Variants in TXLNB observed in about 807,000 individuals in gnomAD.
TXLNB encodes beta-taxilin.
In TXLNB, 37 loss-of-function variants were observed where a neutral mutation model predicts 57.4. The ratio of observed to expected loss-of-function variants is 0.64; its 90% confidence interval spans 0.50 to 0.85. TXLNB has a LOEUF of 0.85. TXLNB is among the 40% of genes least tolerant of loss of function. TXLNB has a pLI of 0.00. For missense variants in TXLNB, 848 were observed against 825.6 expected, an observed-to-expected ratio of 1.03 and a Z score of -0.33; for synonymous variants, 302 against 309.6, an observed-to-expected ratio of 0.98 and a Z score of 0.26.
chr6:139,283,492 A>C (rs1487481927), intron 2 of TXLNB, among the ~76,000 whole-genome samples: 1 of 141,408 alleles, frequency 7.1e-6, no homozygotes, highest in African/African-American at 2.6e-5. Context: ...AGGAGAATCG[A>C]TTGAACCCGG....
intron 9 of TXLNB, 93 bp downstream of exon 9, chr6:139,244,502 C>A: frequency 2.3e-6 from 2 of 875,070 alleles, no homozygotes; most frequent in Non-Finnish European, 1.9e-6. Flanking sequence ...TCACACATAA[C>A]CATTTGTACT....
chr6:139,174,594 A>C, the TXLNB span: 17 of 1,583,426 alleles, frequency 1.1e-5, no homozygotes, highest in East Asian at 1.8e-4. Context: ...TCTGTCCCCA[A>C]GTGAATGTAG....
chr6:139,261,702 A>G (rs935896187), intron 5 of TXLNB, among the ~76,000 whole-genome samples: 1 of 152,088 alleles, frequency 6.6e-6, no homozygotes, highest in Non-Finnish European at 1.5e-5. Context: ...TCTGCTTCTC[A>G]TCTATAAGAT....
chr6:139,216,837 T>C, the TXLNB span, among the ~76,000 whole-genome samples: 6 of 152,028 alleles, frequency 3.9e-5, no homozygotes, highest in Admixed American at 3.3e-4. Flanking sequence ...GGCATAAGTA[T>C]GATATAATGG....
chr6:139,210,223 G>T, the TXLNB span, among the ~76,000 whole-genome samples: 7 of 152,058 alleles, frequency 4.6e-5, no homozygotes, highest in Non-Finnish European at 7.4e-5. Flanking sequence ...GATGTTGGAG[G>T]GGGGTGTGGT....
In TXLNB at chr6:139,259,941, G is replaced by A. The variant is rs193227086; in HGVS notation, c.1002+377C>T. On this transcript the variant is annotated intron_variant, in intron 6 of 9. Transcript: ENST00000358430. ...TTTGACCATTATAAAAACAACTTGC[G>A]TCCAGGCGCGATGGTTCACACCTGT... is the stretch of plus-strand genomic sequence containing the variant. 9.2e-5 allele frequency among the ~76,000 whole-genome samples: 14 copies of A among 152,174 alleles called. No homozygotes were observed. In the East Asian group the frequency reaches 1.2e-3, roughly 13 times the overall value.
At chr6:139,292,162 G>C (rs1777318022), upstream of TXLNB, 2 of 152,580 alleles carry the variant, frequency 1.3e-5, no homozygotes, top group Admixed American at 6.6e-5. This position sits in a 1 kb window ranked among gnomAD's most constrained non-coding sequence, Gnocchi z 4.0. Context: ...GTAGGGAAAG[G>C]AACATCATAT....
the TXLNB span, among the ~76,000 whole-genome samples, chr6:139,312,029 TGG>T: frequency 2.6e-5 from 4 of 152,286 alleles, no homozygotes; most frequent in African/African-American, 9.6e-5. Flanking sequence ...ACCATGTCAC[TGG>T]GGCTTAGGAT....
chr6:139,294,915 G>C (rs1247246585), upstream of TXLNB, among the ~76,000 whole-genome samples: 1 of 152,076 alleles, frequency 6.6e-6, no homozygotes, highest in African/African-American at 2.4e-5. Context: ...TTTGAACCCA[G>C]GAGACAGAGG....
At position 139,276,922 on chromosome 6, in the gene TXLNB, C is replaced by A; in HGVS notation, c.425-1G>T. Reference sequence around the variant, plus strand: ...TGCATTAGCAGGTTGGCTTCTTTGCCTTAAAAAAAAAAGACATGAAAAAAA... The same window carrying A: ...TGCATTAGCAGGTTGGCTTCTTTGCATTAAAAAAAAAAGACATGAAAAAAA... On this transcript the variant is annotated splice_acceptor_variant, in intron 2 of 9. Transcript: ENST00000358430. LOFTEE classifies it high-confidence loss of function. 3 of 1,542,742 alleles carry A rather than the reference C, an allele frequency of 1.9e-6. No individual in the cohort carries two copies. In the South Asian group the frequency reaches 3.5e-5, roughly 18 times the overall value.
intron 4 of TXLNB, 43 bp from the exon 5 acceptor site, chr6:139,262,816 G>A: frequency 6.3e-7 from 1 of 1,590,948 alleles, no homozygotes; most frequent in Non-Finnish European, 8.6e-7. Flanking sequence ...TGCACCCCGG[G>A]TTTATAGAAC....
At chr6:139,277,401 G>T (rs1776926575) in intron 2 of TXLNB, among the ~76,000 whole-genome samples, 1 of 152,194 alleles carries the variant, frequency 6.6e-6, no homozygotes, top group African/African-American at 2.4e-5. Context: ...GCTTGATGAA[G>T]TAGCCTGCCC....
chr6:139,315,392 C>T, the TXLNB span, among the ~76,000 whole-genome samples: 1 of 152,288 alleles, frequency 6.6e-6, no homozygotes, highest in East Asian at 1.9e-4. Flanking sequence ...TCGGCTCTGT[C>T]TAGGCAGCAG....
At chr6:139,224,416 G>A in the TXLNB span, among the ~76,000 whole-genome samples, 5 of 151,330 alleles carry the variant, frequency 3.3e-5, no homozygotes, top group African/African-American at 1.2e-4. Flanking sequence ...CCTGCACATT[G>A]TGCACATGTA....
the TXLNB span, among the ~76,000 whole-genome samples, chr6:139,194,087 C>T: frequency 2.6e-5 from 4 of 151,674 alleles, no homozygotes; most frequent in African/African-American, 7.3e-5. Context: ...GTGATCCGCC[C>T]GCCTCGGCCT....
chr6:139,306,774 G>A, the TXLNB span, among the ~76,000 whole-genome samples: 2 of 152,134 alleles, frequency 1.3e-5, no homozygotes, highest in African/African-American at 4.8e-5. Context: ...AGGCAGCAGG[G>A]GACCCTACTC....
At chr6:139,189,081 A>G in the TXLNB span, among the ~76,000 whole-genome samples, 45 of 152,302 alleles carry the variant, frequency 3.0e-4, 1 homozygote, top group African/African-American at 1.0e-3. Context: ...CTCGTATTCT[A>G]TGTAGGTGGG....
chr6:139,170,272 A>C, the TXLNB span: 1 of 152,234 alleles, frequency 6.6e-6, no homozygotes, highest in African/African-American at 2.4e-5. Flanking sequence ...TCATCAGTTC[A>C]TCAAACTTAC....
At chr6:139,302,320 GAA>G in the TXLNB span, among the ~76,000 whole-genome samples, 411 of 124,548 alleles carry the variant, frequency 3.3e-3, 4 homozygotes, top group East Asian at 7.9e-3. Flanking sequence ...AGAGAGAGGA[GAA>G]AAAAAAAAAA....
Sources: gnomAD v4.1 joint callset for allele counts (sites outside exome capture counted in the v4.1 genomes callset) on GRCh38, gnomAD v4.1.1 for gene constraint, Gnocchi (gnomAD v3.1) non-coding constraint, MANE v1.5 for transcripts, NCBI Gene and HGNC (gene_info 2026-07-23, HGNC 2026-07-21) for gene names.